PLCL1: variants seen among roughly 807,000 people sequenced by gnomAD.
PLCL1 encodes the protein inactive phospholipase C-like protein 1.
A neutral mutation model predicts 84.4 loss-of-function variants in PLCL1; 41 were observed. The ratio of observed to expected loss-of-function variants is 0.49; its 90% CI spans 0.38 to 0.63. The LOEUF is 0.63. Ranked by LOEUF, PLCL1 falls within the 30% of genes least tolerant of loss-of-function variation. The pLI is 0.00. For missense variants in PLCL1, 1,206 were observed against 1,367.8 expected (o/e 0.88, Z 1.87); for synonymous variants, 490 against 488.3 (o/e 1.00, Z -0.05).
chr2:197,895,075 G>A (rs1467153673), intron 1 of PLCL1, among the ~76,000 whole-genome samples: 2 of 151,932 alleles, frequency 1.3e-5, no homozygotes, highest in Non-Finnish European at 2.9e-5. Context: ...AAAAGTGTTG[G>A]CCCAGTGGAC....
chr2:198,062,891 T>C (rs943431924), intron 1 of PLCL1, among the ~76,000 whole-genome samples: 3 of 152,188 alleles, frequency 2.0e-5, no homozygotes, highest in African/African-American at 7.2e-5. Context: ...CTTAAGGGTG[T>C]ATCAGAATCA....
chr2:197,912,931 C>A lies in PLCL1; in HGVS notation c.240+107592C>A, dbSNP rs577590839. On this transcript the variant is annotated intron_variant, in intron 1 of 5. Transcript: ENST00000428675. ...CTAACCTGCACAATGTGCACATGTA[C>A]CCTAAAACTTACAGTATAATAAAAA... 2.2e-5 allele frequency among the ~76,000 whole-genome samples: 3 copies of A among 138,616 alleles called. No individual in the cohort carries two copies. The Admixed American group carries it at 2.3e-4, about 10-fold the overall frequency. 90.9% of individuals were successfully genotyped at this position (138,616 alleles called of 152,430 possible). A position where few individuals can be genotyped will look rare whatever the true frequency, so the allele number is the denominator to read the frequency against.
At chr2:197,948,203 A>T (rs1226447313) in intron 1 of PLCL1, among the ~76,000 whole-genome samples, 1 of 152,168 alleles carries the variant, frequency 6.6e-6, no homozygotes, top group East Asian at 1.9e-4. Context: ...AGAGTGAGTG[A>T]ATTCAAAGAT....
At chr2:197,991,692 C>G (rs1690349153) in intron 1 of PLCL1, among the ~76,000 whole-genome samples, 1 of 152,122 alleles carries the variant, frequency 6.6e-6, no homozygotes, top group African/African-American at 2.4e-5. Flanking sequence ...TTAAAGCTTC[C>G]CCTTTCTCCC....
chr2:198,092,890 G>A (rs976974515), intron 3 of PLCL1, among the ~76,000 whole-genome samples: 33 of 152,274 alleles, frequency 2.2e-4, no homozygotes, highest in African/African-American at 6.0e-4. Context: ...CACATAGCAC[G>A]TTATCAGGTA....
chr2:198,090,822 C>T (rs1693009615), intron 3 of PLCL1, among the ~76,000 whole-genome samples: 1 of 152,110 alleles, frequency 6.6e-6, no homozygotes, highest in African/African-American at 2.4e-5. Context: ...CATTCATGGC[C>T]AGGGAGGTCC....
At chr2:198,055,329 C>CTCTCTCTCTCTCTCTCTCTG (rs374518934) in intron 1 of PLCL1, among the ~76,000 whole-genome samples, 7 of 112,346 alleles carry the variant, frequency 6.2e-5, no homozygotes, top group African/African-American at 2.1e-4. Flanking sequence ...CTCTCTCTCT[C>CTCTCTCTCTCTCTCTCTCTG]TGTGTGTGTG....
intron 1 of PLCL1, among the ~76,000 whole-genome samples, chr2:197,877,511 T>C (rs1324244025): frequency 6.6e-6 from 1 of 152,074 alleles, no homozygotes; most frequent in East Asian, 1.9e-4. Context: ...CATCTTAACA[T>C]TTGTAATAAC....
intron 5 of PLCL1, among the ~76,000 whole-genome samples, chr2:198,107,762 C>A (rs1693524724): frequency 6.6e-6 from 1 of 151,890 alleles, no homozygotes; most frequent in South Asian, 2.1e-4. Context: ...CAAGAGAGAG[C>A]TTTTCAGACA....
chr2:197,900,409 A>C (rs1283118413), intron 1 of PLCL1, among the ~76,000 whole-genome samples: 1 of 152,034 alleles, frequency 6.6e-6, no homozygotes, highest in Non-Finnish European at 1.5e-5. Context: ...GACTGAGAAG[A>C]AATAAAGTGA....
chr2:198,110,457 A>G (rs1356305050), intron 5 of PLCL1, among the ~76,000 whole-genome samples: 3 of 151,918 alleles, frequency 2.0e-5, no homozygotes, highest in Non-Finnish European at 4.4e-5. Flanking sequence ...GAATCTTGCT[A>G]CAACAGAGGA....
chr2:197,923,688 A>G (rs1485713953), intron 1 of PLCL1, among the ~76,000 whole-genome samples: 1 of 148,692 alleles, frequency 6.7e-6, no homozygotes, highest in Non-Finnish European at 1.5e-5. Context: ...GCAGCCAGGC[A>G]GAGAGGCTCC....
Position 197,975,530 on chromosome 2 carries a change from A to C in PLCL1, c.241-108228A>C, listed in dbSNP as rs571790002. Reference sequence around the variant, plus strand: ...TTTCTGTCTTTAAAAATCATCCCTAAGGGCCAGGCACCCCTGCAATCCCAG... The same window carrying C: ...TTTCTGTCTTTAAAAATCATCCCTACGGGCCAGGCACCCCTGCAATCCCAG... On this transcript the variant is annotated intron_variant, in intron 1 of 5. Transcript: ENST00000428675. Among the ~76,000 whole-genome samples the C allele has an allele frequency of 3.3e-5, 5 of 152,222 alleles. No individual in the cohort carries two copies. In the East Asian group the frequency reaches 9.7e-4, roughly 29 times the overall value.
Position 197,805,992 on chromosome 2 carries a change from T to C in PLCL1, c.240+653T>C, listed in dbSNP as rs1296967219. ...AACGCTTCCTGACCCGCTAATCACC[T>C]CACAGAATTTCTCTCCATCCATTTG... On this transcript the variant is annotated intron_variant, in intron 1 of 5. Coordinates refer to ENST00000428675, the MANE Select transcript of PLCL1 (RefSeq NM_006226.4). The surrounding 1 kb of genome is among the most constrained non-coding windows in gnomAD (Gnocchi z 4.0). Among the ~76,000 whole-genome samples, 1 of 152,234 alleles carries C rather than the reference T, an allele frequency of 6.6e-6. No individual in the cohort carries two copies. The highest frequency in any genetic ancestry group is 1.5e-5 in the Non-Finnish European group (1 of 68,048).
rs529194544 is a variant in PLCL1, at chr2:197,849,057, G to C, written c.240+43718G>C. Among the ~76,000 whole-genome samples the C allele has an allele frequency of 2.0e-5, 3 of 152,252 alleles. No individual in the cohort carries two copies. The East Asian group carries it at 5.8e-4, about 29-fold the overall frequency. On this transcript the variant is annotated intron_variant, in intron 1 of 5. Transcript: ENST00000428675. ...GTATTGAGGGAATTAAAGGGCAGGT[G>C]GGGTTCTGTTCCCAAGGCTACAGTC...
At chr2:198,070,982 A>G in intron 1 of PLCL1, 3 of 777,518 alleles carry the variant, frequency 3.9e-6, no homozygotes, top group Non-Finnish European at 3.1e-6. Flanking sequence ...TTTTCTAGAG[A>G]TAACCACTAT....
At chr2:197,935,068 C>A (rs888619974) in intron 1 of PLCL1, among the ~76,000 whole-genome samples, 1 of 152,078 alleles carries the variant, frequency 6.6e-6, no homozygotes, top group Non-Finnish European at 1.5e-5. Context: ...AAATGCAAAT[C>A]AAAACCACAA....
chr2:198,127,009 T>TG lies in PLCL1; in HGVS notation c.3106-19770dup, dbSNP rs1468574884. The stretch of plus-strand genomic sequence containing the variant: ...GTGTGTGAGTGTGTGTGTGTGTGTG[T>TG]GTGGGGGGTGGTGTATTCTTAGTCC... On this transcript the variant is annotated intron_variant, in intron 5 of 5. Transcript: ENST00000428675. Among the ~76,000 whole-genome samples, 144 of 49,692 alleles carry TG rather than the reference T, an allele frequency of 2.9e-3. 1 individual carries two copies. The South Asian group carries it at 0.094, about 32-fold the overall frequency. 32.6% of individuals were successfully genotyped at this position (49,692 alleles called of 152,430 possible). A position where few individuals can be genotyped will look rare whatever the true frequency, so the allele number is the denominator to read the frequency against.
At chr2:198,055,329 C>CTCTCTCTCTCTG (rs374518934) in intron 1 of PLCL1, among the ~76,000 whole-genome samples, 1,641 of 112,266 alleles carry the variant, frequency 0.015, 48 homozygotes, top group African/African-American at 0.055. Flanking sequence ...CTCTCTCTCT[C>CTCTCTCTCTCTG]TGTGTGTGTG....
Sources: gnomAD v4.1 joint callset for allele counts (sites outside exome capture counted in the v4.1 genomes callset) on GRCh38, gnomAD v4.1.1 for gene constraint, Gnocchi (gnomAD v3.1) non-coding constraint, MANE v1.5 for transcripts, NCBI Gene and HGNC (gene_info 2026-07-23, HGNC 2026-07-21) for gene names.